SAXO1: variants seen among roughly 807,000 people sequenced by gnomAD.
SAXO1 encodes stabilizer of axonemal microtubules 1.
In SAXO1, 21 loss-of-function variants were observed where a neutral mutation model predicts 17.5. The ratio of observed to expected loss-of-function variants is 1.20; its 90% CI spans 0.85 to 1.72. The LOEUF (loss-of-function observed/expected upper bound fraction) is 1.72, where lower values mean the gene tolerates loss of function less well. Among genes scored for constraint, SAXO1 ranks in the 40% most tolerant of loss-of-function variants. SAXO1 has a pLI of 0.00. For missense variants in SAXO1, 843 were observed against 596.0 expected, an observed-to-expected ratio of 1.41 and a Z score of -4.32; for synonymous variants, 274 against 216.5, an observed-to-expected ratio of 1.27 and a Z score of -2.33.
intron 1 of SAXO1, among the ~76,000 whole-genome samples, chr9:19,042,320 G>C: frequency 6.6e-6 from 1 of 152,202 alleles, no homozygotes; most frequent in Non-Finnish European, 1.5e-5. Context: ...GTGGGGAAAA[G>C]GGAACCGCTG....
chr9:18,942,558 A>G (rs1350392203), intron 2 of SAXO1, among the ~76,000 whole-genome samples: 1 of 152,210 alleles, frequency 6.6e-6, no homozygotes, highest in Non-Finnish European at 1.5e-5. Context: ...AACCCAGAAG[A>G]GGAAAACAGT....
intron 1 of SAXO1, among the ~76,000 whole-genome samples, chr9:18,967,743 C>A (rs149981919): frequency 6.6e-6 from 1 of 151,912 alleles, no homozygotes. Context: ...CCCCTTTCCA[C>A]GGGAGTGAAT....
chr9:19,040,469 C>T (rs1053584105), intron 1 of SAXO1, among the ~76,000 whole-genome samples: 1 of 152,000 alleles, frequency 6.6e-6, no homozygotes, highest in African/African-American at 2.4e-5. Context: ...ATTACAAAAC[C>T]CCGCCTCTAC....
upstream of SAXO1, among the ~76,000 whole-genome samples, chr9:19,035,672 G>C (rs761582631): frequency 2.0e-5 from 3 of 152,196 alleles, no homozygotes; most frequent in Non-Finnish European, 4.4e-5. Flanking sequence ...AATGCTGATA[G>C]CGATATGGAC....
At chr9:19,045,050 C>T (rs968358094) in intron 1 of SAXO1, among the ~76,000 whole-genome samples, 2 of 151,594 alleles carry the variant, frequency 1.3e-5, no homozygotes, top group Admixed American at 1.3e-4. Flanking sequence ...GTGGCTCACG[C>T]CTGTAATCCC....
chr9:19,000,763 G>A (rs1020621035), intron 1 of SAXO1, among the ~76,000 whole-genome samples: 15 of 151,774 alleles, frequency 9.9e-5, no homozygotes, highest in African/African-American at 3.6e-4. Context: ...CAAATGGAAA[G>A]CAAAAAAAAG....
In SAXO1 at chr9:18,928,889, G is replaced by A; in HGVS notation, c.588C>T (p.Leu196=). 6.2e-7 allele frequency: 1 copy of A among 1,614,206 alleles called. No homozygotes were observed. Residue 196 remains leucine (L), a synonymous_variant, in exon 4 of 4, where the codon CTC becomes CTT. Coordinates refer to ENST00000380534, the MANE Select transcript of SAXO1 (RefSeq NM_153707.4). ...TCACATCCTCCAAGGGGATGTTACA[G>A]AGCTTTGGCATGGCCAGAGGTTTAC... ...ISCKPLAMPK[L]CNIPLEDVTN...
chr9:19,019,174 A>G (rs1334351993), intron 1 of SAXO1, among the ~76,000 whole-genome samples: 2 of 152,180 alleles, frequency 1.3e-5, no homozygotes, highest in Non-Finnish European at 2.9e-5. Flanking sequence ...TATGGATCTC[A>G]GCTTATTCTT....
intron 3 of SAXO1, among the ~76,000 whole-genome samples, 195 bp from the exon 4 acceptor site, chr9:18,929,250 G>C (rs1187491772): frequency 1.3e-5 from 2 of 152,198 alleles, no homozygotes; most frequent in African/African-American, 2.4e-5. Flanking sequence ...AGGCAGAAGA[G>C]ACAAATCTAC....
intron 1 of SAXO1, among the ~76,000 whole-genome samples, chr9:19,023,290 G>C (rs1045394922): frequency 2.0e-5 from 3 of 152,064 alleles, no homozygotes; most frequent in African/African-American, 7.2e-5. Flanking sequence ...CAAGTGCTCA[G>C]GCAAGTACAC....
At chr9:19,018,203 C>T (rs1202160773) in intron 1 of SAXO1, among the ~76,000 whole-genome samples, 1 of 151,850 alleles carries the variant, frequency 6.6e-6, no homozygotes, top group Non-Finnish European at 1.5e-5. Context: ...AACACCACCA[C>T]AGAACCATTC....
At chr9:18,968,555 CGATA>C (rs1172279761) in intron 1 of SAXO1, among the ~76,000 whole-genome samples, 2 of 150,548 alleles carry the variant, frequency 1.3e-5, no homozygotes, top group Non-Finnish European at 2.9e-5. Flanking sequence ...TTTTTTGATG[CGATA>C]GATAGTGGCA....
chr9:18,973,005 T>G lies in SAXO1; in HGVS notation c.39-22068A>C, dbSNP rs1251951253. ...AAACACTCCCCACAAGCCCTCTCAC[T>G]GACTAAAATCAGGGCATAAAGCCAC... On this transcript the variant is annotated intron_variant, in intron 1 of 3. Transcript: ENST00000380534. Among the ~76,000 whole-genome samples the G allele has an allele frequency of 2.0e-5, 3 of 152,078 alleles. No individual in the cohort carries two copies. The East Asian group carries it at 5.8e-4, about 29-fold the overall frequency.
intron 1 of SAXO1, among the ~76,000 whole-genome samples, chr9:19,010,095 C>G (rs1278985279): frequency 1.3e-5 from 2 of 151,964 alleles, no homozygotes; most frequent in Admixed American, 6.6e-5. Context: ...TCCCAAAGTG[C>G]TGGGATTTCA....
At chr9:19,036,094 G>A (rs1204552456), upstream of SAXO1, among the ~76,000 whole-genome samples, 1 of 150,214 alleles carries the variant, frequency 6.7e-6, no homozygotes, top group Non-Finnish European at 1.5e-5. Flanking sequence ...ATCACACACT[G>A]GGGCCTGGCG....
intron 1 of SAXO1, among the ~76,000 whole-genome samples, chr9:19,031,332 C>A (rs1239001276): frequency 6.6e-6 from 1 of 152,052 alleles, no homozygotes; most frequent in Non-Finnish European, 1.5e-5. Context: ...GAGGCCGAGG[C>A]AGGCGATCAC....
chr9:18,932,041 G>A (rs1461159168), intron 3 of SAXO1, among the ~76,000 whole-genome samples: 3 of 152,092 alleles, frequency 2.0e-5, no homozygotes, highest in Non-Finnish European at 4.4e-5. Flanking sequence ...CTTTCTAAGT[G>A]CCCAAAGGTT....
At chr9:18,934,261 C>A (rs1241717869) in intron 3 of SAXO1, among the ~76,000 whole-genome samples, 1 of 152,000 alleles carries the variant, frequency 6.6e-6, no homozygotes, top group Non-Finnish European at 1.5e-5. Flanking sequence ...AGCCATTAAT[C>A]TATCATTTTT....
chr9:18,984,729 A>G (rs138122083), intron 1 of SAXO1, among the ~76,000 whole-genome samples: 137 of 152,324 alleles, frequency 9.0e-4, no homozygotes, highest in Middle Eastern at 3.4e-3. Context: ...CCATATCACT[A>G]AAACTTTCCC....
Sources: allele counts gnomAD v4.1 joint callset (sites outside exome capture counted in the v4.1 genomes callset), GRCh38; gene constraint gnomAD v4.1.1; transcripts MANE v1.5; gene names NCBI Gene and HGNC (gene_info 2026-07-23, HGNC 2026-07-21).